FAXC: variants seen among roughly 807,000 people sequenced by gnomAD.
FAXC encodes the protein failed axon connections homolog, metaxin like GST domain containing.
FAXC carries 10 observed loss-of-function variants against 41.9 expected under a neutral mutation model. That is an observed-to-expected ratio of 0.24 (90% CI 0.15 to 0.41). The LOEUF is 0.41. Among genes scored for constraint, FAXC ranks in the 10% least tolerant of loss-of-function variants. The pLI, the probability that FAXC is intolerant of heterozygous loss-of-function variation, is 1.00. For missense variants in FAXC, 399 were observed against 510.9 expected, an observed-to-expected ratio of 0.78 and a Z score of 2.11; for synonymous variants, 183 against 183.8, an observed-to-expected ratio of 1.00 and a Z score of 0.03.
chr6:99,335,123 G>A (rs1228252860), intron 2 of FAXC, among the ~76,000 whole-genome samples: 1 of 152,100 alleles, frequency 6.6e-6, no homozygotes, highest in African/African-American at 2.4e-5. Flanking sequence ...ATGGTGTGTA[G>A]TCCCCTACCC....
chr6:99,318,237 C>T (rs555754746), intron 4 of FAXC, among the ~76,000 whole-genome samples: 24 of 138,012 alleles, frequency 1.7e-4, no homozygotes, highest in Admixed American at 6.2e-4. Context: ...CCAGCCTGGG[C>T]GACAGAGCAA....
intron 3 of FAXC, among the ~76,000 whole-genome samples, chr6:99,328,662 C>T (rs1038436035): frequency 2.0e-5 from 3 of 152,216 alleles, no homozygotes; most frequent in Admixed American, 6.5e-5. Flanking sequence ...TCATCTGCCA[C>T]TCCCAACTGT....
intron 2 of FAXC, among the ~76,000 whole-genome samples, chr6:99,336,717 C>T (rs1773229112): frequency 6.6e-6 from 1 of 152,092 alleles, no homozygotes; most frequent in African/African-American, 2.4e-5. Flanking sequence ...TCCCTTAACC[C>T]TCCCTGGACC....
intron 4 of FAXC, among the ~76,000 whole-genome samples, chr6:99,299,898 G>A (rs544784982): frequency 1.3e-5 from 2 of 151,976 alleles, no homozygotes; most frequent in Admixed American, 6.6e-5. Flanking sequence ...GCTCACGATC[G>A]CCAATTAGCT....
At chr6:99,307,047 T>G (rs951406515) in intron 4 of FAXC, among the ~76,000 whole-genome samples, 7 of 152,182 alleles carry the variant, frequency 4.6e-5, no homozygotes, top group African/African-American at 1.7e-4. Flanking sequence ...TCATTTCCAT[T>G]AGCATTACAG....
chr6:99,283,276 C>T (rs1456715101), intron 5 of FAXC, among the ~76,000 whole-genome samples: 1 of 152,178 alleles, frequency 6.6e-6, no homozygotes, highest in African/African-American at 2.4e-5. Flanking sequence ...CCAAGATAAT[C>T]ACAATTAACA....
At chr6:99,297,296 G>C (rs1771535130) in intron 4 of FAXC, among the ~76,000 whole-genome samples, 1 of 152,122 alleles carries the variant, frequency 6.6e-6, no homozygotes, top group South Asian at 2.1e-4. Flanking sequence ...CCCCCACTGA[G>C]TACTAACTGA....
chr6:99,334,678 T>G (rs1773150900), intron 2 of FAXC: 2 of 742,384 alleles, frequency 2.7e-6, no homozygotes, highest in South Asian at 1.2e-4. Flanking sequence ...TTCTGGACTC[T>G]TGTCATTCTC....
chr6:99,281,907 C>T (rs567754609), intron 5 of FAXC, among the ~76,000 whole-genome samples: 13 of 152,342 alleles, frequency 8.5e-5, no homozygotes, highest in African/African-American at 3.1e-4. Context: ...CAAACTATGA[C>T]ATCCAGCCAC....
rs772258297 is a variant in FAXC at position 99,349,294 on chromosome 6, CGAA to C, written c.76_78del (p.Phe26del). ...GGCTCCTCGGACCCGGCCCACCAGC[CGAA>C]GAAGGAGATGCTCTGGTTCCAGCTC... On this transcript the variant is annotated inframe_deletion, in exon 1 of 6. Transcript: ENST00000389677. 3 of 1,613,302 alleles carry C rather than the reference CGAA, an allele frequency of 1.9e-6. No homozygotes were observed. Among genetic ancestry groups the C allele is most frequent in the Admixed American group, 1.7e-5 (1 of 60,010 alleles).
At chr6:99,303,563 T>C (rs1178607366) in intron 4 of FAXC, among the ~76,000 whole-genome samples, 1 of 152,230 alleles carries the variant, frequency 6.6e-6, no homozygotes, top group East Asian at 1.9e-4. Flanking sequence ...CAAGATGACC[T>C]TCTAACCAGG....
chr6:99,349,316 C>G lies in FAXC; in HGVS notation c.57G>C (p.Trp19Cys). ...SSRPCVVDLS[W>C]NQSISFFGWW... ...AGCCGAAGAAGGAGATGCTCTGGTT[C>G]CAGCTCAGATCCACCACGCACGGCC... Residue 19 changes from tryptophan (W) to cysteine (C), a missense_variant, in exon 1 of 6, where the codon TGG becomes TGC. By Grantham distance (215) the Trp-to-Cys change is radical. This residue lies in a region of FAXC where 68 missense variants were observed against 63.4 expected (regional missense o/e 1.07). Coordinates refer to ENST00000389677, the MANE Select transcript of FAXC (RefSeq NM_032511.4). 1 of 1,613,120 alleles carries G rather than the reference C, an allele frequency of 6.2e-7. No homozygotes were observed.
Position 99,307,873 on chromosome 6 carries a change from A to G in FAXC, c.823+15571T>C, listed in dbSNP as rs1041568657. Among the ~76,000 whole-genome samples the G allele has an allele frequency of 2.0e-5, 3 of 152,210 alleles. No homozygotes were observed. The South Asian group carries it at 6.2e-4, about 32-fold the overall frequency. ...TTAAGATTCCATGTGACTCTCAGGA[A>G]ATATTTCCCTCAAACATCAGAGACA... is the stretch of plus-strand genomic sequence containing the variant. On this transcript the variant is annotated intron_variant, in intron 4 of 5. Transcript: ENST00000389677.
At chr6:99,286,667 T>A (rs1771040115) in intron 5 of FAXC, among the ~76,000 whole-genome samples, 1 of 152,228 alleles carries the variant, frequency 6.6e-6, no homozygotes, top group Non-Finnish European at 1.5e-5. Flanking sequence ...TGACCCATCA[T>A]GGCTTCAATT....
chr6:99,309,646 T>C (rs1772082038), intron 4 of FAXC, among the ~76,000 whole-genome samples: 1 of 152,214 alleles, frequency 6.6e-6, no homozygotes, highest in East Asian at 1.9e-4. Context: ...AAGTCTGGAA[T>C]GGAGAGGCTG....
intron 4 of FAXC, among the ~76,000 whole-genome samples, chr6:99,314,053 T>G (rs1045986909): frequency 6.6e-6 from 1 of 152,130 alleles, no homozygotes; most frequent in African/African-American, 2.4e-5. Flanking sequence ...GCAGTGGCTA[T>G]TCACAGTTGT....
chr6:99,328,093 A>C (rs918802105), intron 3 of FAXC, among the ~76,000 whole-genome samples: 2 of 152,134 alleles, frequency 1.3e-5, no homozygotes, highest in Admixed American at 1.3e-4. Flanking sequence ...CTCTCCCCAC[A>C]GTCTAACCCC....
chr6:99,349,446 C>G lies in FAXC; in HGVS notation c.-74G>C. On this transcript the variant is annotated 5_prime_UTR_variant, in exon 1 of 6. Coordinates refer to ENST00000389677, the MANE Select transcript of FAXC (RefSeq NM_032511.4). ...ATGGGAAGGGGCCGGCGCGGCCCGGCGCGGGCTCAGAGGCGCGCGGAGGGC... is the reference window on the plus strand; with the variant it reads ...ATGGGAAGGGGCCGGCGCGGCCCGGGGCGGGCTCAGAGGCGCGCGGAGGGC... 2.6e-6 allele frequency: 3 copies of G among 1,141,114 alleles called. No homozygotes were observed. The highest frequency in any genetic ancestry group is 3.2e-6 in the Non-Finnish European group (3 of 929,208). The allele number at this position is 1,141,114 out of a possible 1,614,324, so 70.7% of individuals were successfully genotyped here.
chr6:99,271,227 AC>A lies in FAXC; in HGVS notation c.*9936del, dbSNP rs1487925265. Reference sequence around the variant, plus strand: ...TCACAGCACATTGGAAAGGTAAATGACCCTCTTCCCTCTGATGAGTCCTGAA... The same window carrying A: ...TCACAGCACATTGGAAAGGTAAATGACCTCTTCCCTCTGATGAGTCCTGAA... On this transcript the variant is annotated 3_prime_UTR_variant, in exon 6 of 6. Coordinates refer to ENST00000389677, the MANE Select transcript of FAXC (RefSeq NM_032511.4). 1 of 152,134 alleles carries A rather than the reference AC, an allele frequency of 6.6e-6. No homozygotes were observed. Among genetic ancestry groups the A allele is most frequent in the Non-Finnish European group, 1.5e-5 (1 of 68,018 alleles). The allele number at this position is 152,134 out of a possible 1,614,324, so 9.4% of individuals were successfully genotyped here.
Sources: gnomAD v4.1 joint callset for allele counts (sites outside exome capture counted in the v4.1 genomes callset) on GRCh38, gnomAD v4.1.1 for gene constraint, gnomAD v4.1.1 regional missense constraint, MANE v1.5 for transcripts, NCBI Gene and HGNC (gene_info 2026-07-23, HGNC 2026-07-21) for gene names.